The following NKAIN2 variants were observed in gnomAD, a reference collection of about 807,000 sequenced individuals.
NKAIN2 encodes sodium/potassium transporting ATPase interacting 2, also known as sodium/potassium-transporting ATPase subunit beta-1-interacting protein 2.
Under a neutral mutation model 32.6 loss-of-function variants are expected in NKAIN2, and 14 were observed. The observed-to-expected ratio is 0.43, with a 90% CI of 0.28 to 0.67. The LOEUF (loss-of-function observed/expected upper bound fraction) is 0.67, where lower values mean the gene tolerates loss of function less well. Among genes scored for constraint, NKAIN2 ranks in the 30% least tolerant of loss-of-function variants. The pLI, the probability that NKAIN2 is intolerant of heterozygous loss-of-function variation, is 0.17. For synonymous variants in NKAIN2, 80 were observed against 87.2 expected, an observed-to-expected ratio of 0.92 and a Z score of 0.46; for missense variants, 198 against 258.3, an observed-to-expected ratio of 0.77 and a Z score of 1.60.
chr6:123,886,229 C>G (rs1049331894), intron 1 of NKAIN2, among the ~76,000 whole-genome samples: 3 of 151,912 alleles, frequency 2.0e-5, no homozygotes, highest in African/African-American at 7.2e-5. Flanking sequence ...AGCTTTCATA[C>G]TTTTTGATAA....
intron 1 of NKAIN2, among the ~76,000 whole-genome samples, chr6:124,259,640 C>T (rs959216197): frequency 4.6e-5 from 7 of 152,060 alleles, no homozygotes; most frequent in African/African-American, 7.2e-5. Context: ...GTGAAGAACA[C>T]AGGGAAAAAC....
At chr6:124,255,327 A>G (rs1034088682) in intron 1 of NKAIN2, among the ~76,000 whole-genome samples, 4 of 152,220 alleles carry the variant, frequency 2.6e-5, no homozygotes, top group African/African-American at 9.6e-5. Flanking sequence ...CTCATATACC[A>G]GAATTTGTGA....
intron 2 of NKAIN2, among the ~76,000 whole-genome samples, chr6:124,339,084 T>G (rs1798002827): frequency 6.6e-6 from 1 of 152,168 alleles, no homozygotes; most frequent in Non-Finnish European, 1.5e-5. Context: ...GGCTCATGCC[T>G]GTAATCCCAG....
intron 1 of NKAIN2, among the ~76,000 whole-genome samples, chr6:123,900,694 A>G (rs911900738): frequency 1.3e-5 from 2 of 151,552 alleles, no homozygotes; most frequent in African/African-American, 4.8e-5. Flanking sequence ...AAATTTGGAG[A>G]ATAGTTTCTC....
At chr6:124,135,368 A>G (rs1319971284) in intron 1 of NKAIN2, among the ~76,000 whole-genome samples, 1 of 152,096 alleles carries the variant, frequency 6.6e-6, no homozygotes, top group African/African-American at 2.4e-5. Context: ...AGTATCTGCT[A>G]TCTTCAAGAG....
At chr6:123,811,884 A>T (rs1173023673) in intron 1 of NKAIN2, among the ~76,000 whole-genome samples, 1 of 152,144 alleles carries the variant, frequency 6.6e-6, no homozygotes, top group Non-Finnish European at 1.5e-5. Flanking sequence ...GAACTAGATA[A>T]TATGCTATGC....
intron 2 of NKAIN2, among the ~76,000 whole-genome samples, chr6:124,346,892 G>T (rs9385326): frequency 0.13 from 19,899 of 151,464 alleles, 1,453 homozygotes; most frequent in African/African-American, 0.19. Flanking sequence ...GTTAGCTGGT[G>T]ATTTTGCACA....
At chr6:123,865,659 A>C (rs1378965937) in intron 1 of NKAIN2, among the ~76,000 whole-genome samples, 1 of 152,206 alleles carries the variant, frequency 6.6e-6, no homozygotes, top group Admixed American at 6.5e-5. Context: ...CTTGGAAATA[A>C]ACTTCAGAAT....
At chr6:124,236,361 G>A (rs571357095) in intron 1 of NKAIN2, among the ~76,000 whole-genome samples, 7 of 152,198 alleles carry the variant, frequency 4.6e-5, no homozygotes, top group African/African-American at 1.7e-4. Context: ...CAGAGGTCAC[G>A]TGTGGGTCGG....
intron 1 of NKAIN2, among the ~76,000 whole-genome samples, chr6:124,004,657 A>G (rs1021645888): frequency 6.6e-6 from 1 of 151,960 alleles, no homozygotes; most frequent in Non-Finnish European, 1.5e-5. Flanking sequence ...TGGGAATTGA[A>G]CAATGAGAAC....
At chr6:124,733,511 T>C (rs1456038667) in intron 4 of NKAIN2, among the ~76,000 whole-genome samples, 1 of 151,954 alleles carries the variant, frequency 6.6e-6, no homozygotes, top group Non-Finnish European at 1.5e-5. Context: ...CACTGTACTC[T>C]AGTTGATAAG....
At chr6:124,033,552 A>G (rs1385006081) in intron 1 of NKAIN2, among the ~76,000 whole-genome samples, 2 of 152,088 alleles carry the variant, frequency 1.3e-5, no homozygotes, top group Admixed American at 6.6e-5. Flanking sequence ...AATTTTTTTG[A>G]CAAAAGTTAA....
intron 3 of NKAIN2, among the ~76,000 whole-genome samples, chr6:124,637,876 A>G (rs1038997144): frequency 6.6e-6 from 1 of 152,192 alleles, no homozygotes; most frequent in African/African-American, 2.4e-5. Flanking sequence ...CTATCAAAAT[A>G]TCAATGACAT....
intron 3 of NKAIN2, among the ~76,000 whole-genome samples, chr6:124,502,083 G>A (rs1001573526): frequency 5.3e-5 from 8 of 152,186 alleles, no homozygotes; most frequent in African/African-American, 1.9e-4. Context: ...TAGCCCGGGT[G>A]ACAGAGCAAG....
chr6:124,389,288 C>A (rs1218816560), intron 3 of NKAIN2, among the ~76,000 whole-genome samples: 13 of 152,078 alleles, frequency 8.5e-5, no homozygotes, highest in Admixed American at 7.9e-4. Context: ...ACTGCCCTGT[C>A]TCCCACAGGG....
chr6:124,020,011 C>T (rs1250009513), intron 1 of NKAIN2, among the ~76,000 whole-genome samples: 2 of 151,964 alleles, frequency 1.3e-5, no homozygotes, highest in Non-Finnish European at 2.9e-5. Context: ...CATTGTATTG[C>T]CTGTTTATTC....
intron 4 of NKAIN2, among the ~76,000 whole-genome samples, chr6:124,747,310 C>T (rs1167779495): frequency 6.6e-6 from 1 of 151,788 alleles, no homozygotes; most frequent in Non-Finnish European, 1.5e-5. Flanking sequence ...GTGTGTGTTG[C>T]AGTTTTATTG....
intron 1 of NKAIN2, among the ~76,000 whole-genome samples, chr6:123,887,732 C>T (rs895961371): frequency 2.0e-5 from 3 of 152,054 alleles, no homozygotes; most frequent in African/African-American, 7.2e-5. Context: ...TGGAAATTGC[C>T]TAAGGTCAGA....
intron 4 of NKAIN2, among the ~76,000 whole-genome samples, chr6:124,720,706 C>T (rs1259652177): frequency 6.6e-6 from 1 of 152,112 alleles, no homozygotes; most frequent in Non-Finnish European, 1.5e-5. Context: ...AAACCTGCAT[C>T]GTGGGACTGG....
Sources: allele counts gnomAD v4.1 joint callset (sites outside exome capture counted in the v4.1 genomes callset), GRCh38; gene constraint gnomAD v4.1.1; transcripts MANE v1.5; gene names NCBI Gene and HGNC (gene_info 2026-07-23, HGNC 2026-07-21).